NUP210: variants seen among roughly 807,000 people sequenced by gnomAD.
The protein encoded by NUP210 is nucleoporin 210.
NUP210 carries 151 observed loss-of-function variants against 196.0 expected under a neutral mutation model. The observed-to-expected ratio is 0.77, with a 90% CI of 0.67 to 0.88. The LOEUF (loss-of-function observed/expected upper bound fraction) is 0.88. NUP210 is among the 40% of genes least tolerant of loss of function. The pLI is 0.00. For synonymous variants in NUP210, 1,070 were observed against 1,052.7 expected, an observed-to-expected ratio of 1.02 and a Z score of -0.32; for missense variants, 2,314 against 2,493.7, an observed-to-expected ratio of 0.93 and a Z score of 1.53.
chr3:13,361,445 C>A (rs775723208), intron 14 of NUP210, among the ~76,000 whole-genome samples: 4 of 152,158 alleles, frequency 2.6e-5, no homozygotes, highest in Non-Finnish European at 5.9e-5. Context: ...TGCTTAGATT[C>A]TATGTAACAG....
At chr3:13,372,089 G>A (rs1028503881) in intron 12 of NUP210, 57 bp from the exon 13 acceptor site, 2 of 1,443,908 alleles carry the variant, frequency 1.4e-6, no homozygotes, top group Non-Finnish European at 1.9e-6. Context: ...GGCAGGGCCT[G>A]TTGCTCGGAT....
At position 13,379,669 on chromosome 3, in the gene NUP210, C is replaced by G. The variant is rs866697445; in HGVS notation, c.870G>C (p.Pro290=). 3 of 1,613,646 alleles carry G rather than the reference C, an allele frequency of 1.9e-6. No individual in the cohort carries two copies. The highest frequency in any genetic ancestry group is 8.5e-7 in the Non-Finnish European group (1 of 1,179,912). The part of the protein sequence containing the change: ...QYELQLQNSI[P]GPEGDPARPV... Reference sequence around the variant, plus strand: ...GCCGGGCTGGGTCTCCTTCGGGGCCCGGGATGCTGTTCTGAAGCTGCAACT... The same window carrying G: ...GCCGGGCTGGGTCTCCTTCGGGGCCGGGGATGCTGTTCTGAAGCTGCAACT... The change falls in exon 7 of 40, where the codon CCG becomes CCC. Residue 290 remains proline, a synonymous_variant. Transcript: ENST00000254508. This position sits in a 1 kb window ranked among gnomAD's most constrained non-coding sequence, Gnocchi z 4.2.
At chr3:13,318,798 A>G (rs983900027) in intron 39 of NUP210, among the ~76,000 whole-genome samples, 4 of 152,190 alleles carry the variant, frequency 2.6e-5, no homozygotes, top group African/African-American at 9.7e-5. Flanking sequence ...TTGGGCATCC[A>G]GTCCTAGCAT....
intron 31 of NUP210, among the ~76,000 whole-genome samples, chr3:13,328,316 T>C (rs866599279): frequency 6.6e-6 from 1 of 152,366 alleles, no homozygotes; most frequent in Middle Eastern, 3.4e-3. Context: ...GATTTTTGGA[T>C]GGTGACCTAC....
intron 30 of NUP210, among the ~76,000 whole-genome samples, chr3:13,329,864 G>C (rs886543869): frequency 6.6e-6 from 1 of 152,190 alleles, no homozygotes; most frequent in Non-Finnish European, 1.5e-5. Context: ...TATGGCAGAA[G>C]GACACGGCCC....
intron 15 of NUP210, 51 bp from the exon 16 acceptor site, chr3:13,358,446 T>C (rs1463854354): frequency 6.5e-7 from 1 of 1,541,316 alleles, no homozygotes; most frequent in Non-Finnish European, 8.8e-7. Context: ...TTCTCACTCC[T>C]CTCTGAGCTA....
At chr3:13,398,911 G>A (rs1352969561) in intron 2 of NUP210, among the ~76,000 whole-genome samples, 1 of 152,168 alleles carries the variant, frequency 6.6e-6, no homozygotes, top group African/African-American at 2.4e-5. Context: ...TTCAGCCTGG[G>A]TGACAGAGTA....
chr3:13,319,608 T>A (rs1042469661), intron 37 of NUP210, among the ~76,000 whole-genome samples, 155 bp downstream of exon 37: 1 of 152,160 alleles, frequency 6.6e-6, no homozygotes, highest in African/African-American at 2.4e-5. Flanking sequence ...AAAGCCTGCA[T>A]CATGGCCCCA....
chr3:13,339,651 T>C (rs59799759), intron 25 of NUP210, among the ~76,000 whole-genome samples: 6,096 of 152,306 alleles, frequency 0.04, 184 homozygotes, highest in African/African-American at 0.078. Flanking sequence ...GAGACTCAGC[T>C]TGGAGAAGAA....
rs1046762699 is a variant in NUP210, at chr3:13,350,421, C to A, written c.2835+1458G>T. On this transcript the variant is annotated intron_variant, in intron 20 of 39. Transcript: ENST00000254508. The surrounding 1 kb of genome is among the most constrained non-coding windows in gnomAD (Gnocchi z 4.1). ...ATTACCTAAAATGTCCAGTTTCCAACAATTATAGGACATGAAAAAACAAAA... is the reference window on the plus strand; with the variant it reads ...ATTACCTAAAATGTCCAGTTTCCAAAAATTATAGGACATGAAAAAACAAAA... Among the ~76,000 whole-genome samples, 1 of 150,922 alleles carries A rather than the reference C, an allele frequency of 6.6e-6. No homozygotes were observed. The highest frequency in any genetic ancestry group is 2.4e-5 in the African/African-American group (1 of 40,926).
Position 13,327,369 on chromosome 3 carries a change from C to A in NUP210, c.4355G>T (p.Gly1452Val). 1 of 1,613,484 alleles carries A rather than the reference C, an allele frequency of 6.2e-7. No homozygotes were observed. Among genetic ancestry groups the A allele is most frequent in the Non-Finnish European group, 8.5e-7 (1 of 1,180,006 alleles). ...GTCCCACACACGGAGCAGTGTCAGG[C>A]CCACGCTGACTGTGCGGACAACGCA... ...NTCVVRTVSV[G>V]LTLLRVWDAE... The change falls in exon 32 of 40, where the codon GGC becomes GTC. Residue 1452 changes from glycine to valine, a missense_variant. Physicochemically the swap from Gly to Val is moderately radical, Grantham distance 109. Transcript: ENST00000254508.
intron 16 of NUP210, among the ~76,000 whole-genome samples, chr3:13,356,190 C>T (rs945827798): frequency 6.6e-6 from 1 of 152,240 alleles, no homozygotes; most frequent in African/African-American, 2.4e-5. Flanking sequence ...CTGAGCCTGG[C>T]TCTACCTTGT....
intron 14 of NUP210, among the ~76,000 whole-genome samples, chr3:13,363,513 T>C (rs1192807275): frequency 1.3e-5 from 2 of 152,256 alleles, no homozygotes; most frequent in African/African-American, 4.8e-5. Context: ...GAAAGTATCA[T>C]GGAACCCTGT....
intron 3 of NUP210, among the ~76,000 whole-genome samples, chr3:13,397,112 G>A (rs1463759508): frequency 6.6e-6 from 1 of 152,118 alleles, no homozygotes; most frequent in East Asian, 1.9e-4. Flanking sequence ...CCACTGCAGG[G>A]GTTCCTGAGG....
Position 13,317,530 on chromosome 3 carries a change from A to C in NUP210, c.*151T>G, listed in dbSNP as rs1277069960. 1 of 649,348 alleles carries C rather than the reference A, an allele frequency of 1.5e-6. No individual in the cohort carries two copies. The highest frequency in any genetic ancestry group is 2.8e-6 in the Non-Finnish European group (1 of 361,956). 40.2% of individuals were successfully genotyped at this position (649,348 alleles called of 1,614,324 possible). On this transcript the variant is annotated 3_prime_UTR_variant, in exon 40 of 40. Coordinates refer to ENST00000254508, the MANE Select transcript of NUP210 (RefSeq NM_024923.4). ...AGCTAATGGGCAGAGCCGAAACTACAGCTCTGTGTGAAGAGACGGCAGTGA... is the reference window on the plus strand; with the variant it reads ...AGCTAATGGGCAGAGCCGAAACTACCGCTCTGTGTGAAGAGACGGCAGTGA...
rs566665397 is a variant in NUP210 at position 13,379,396 on chromosome 3, C to A, written c.976+167G>T. On this transcript the variant is annotated intron_variant, in intron 7 of 39. Coordinates refer to ENST00000254508, the MANE Select transcript of NUP210 (RefSeq NM_024923.4). This position sits in a 1 kb window ranked among gnomAD's most constrained non-coding sequence, Gnocchi z 4.2. ...GCCTCTGGGGTGAGTCACCCACAGC[C>A]GTGAGCAATTCCACTCAGCAGTGCT... 6.6e-6 allele frequency among the ~76,000 whole-genome samples: 1 copy of A among 152,252 alleles called. No individual in the cohort carries two copies. Among genetic ancestry groups the A allele is most frequent in the East Asian group, 1.9e-4 (1 of 5,178 alleles).
At chr3:13,364,814 G>A (rs1698476796) in intron 14 of NUP210, among the ~76,000 whole-genome samples, 1 of 152,176 alleles carries the variant, frequency 6.6e-6, no homozygotes, top group Admixed American at 6.5e-5. Context: ...GGCAACAAGA[G>A]TGAAACTCTG....
chr3:13,354,219 G>A (rs563042154), intron 16 of NUP210, 112 bp from the exon 17 acceptor site: 172 of 897,076 alleles, frequency 1.9e-4, no homozygotes, highest in Non-Finnish European at 2.1e-4. Flanking sequence ...TGGGGGTGCT[G>A]GTGAGGGAAT....
intron 1 of NUP210, among the ~76,000 whole-genome samples, chr3:13,412,262 T>C (rs1227362993): frequency 8.0e-6 from 1 of 125,736 alleles, no homozygotes; most frequent in East Asian, 2.1e-4. Flanking sequence ...GAGACAGGGT[T>C]TCGCTATGTT....
Sources: gnomAD v4.1 joint callset for allele counts (sites outside exome capture counted in the v4.1 genomes callset) on GRCh38, gnomAD v4.1.1 for gene constraint, Gnocchi (gnomAD v3.1) non-coding constraint, MANE v1.5 for transcripts, NCBI Gene and HGNC (gene_info 2026-07-23, HGNC 2026-07-21) for gene names.